Variants in GPC5 observed in about 807,000 individuals in gnomAD.
The protein encoded by GPC5 is glypican 5.
A neutral mutation model predicts 53.9 loss-of-function variants in GPC5; 47 were observed. The observed-to-expected ratio is 0.87, with a 90% confidence interval of 0.69 to 1.11. GPC5 has a LOEUF of 1.11. Among genes scored for constraint, GPC5 ranks in the 50% most tolerant of loss-of-function variants. The probability of loss-of-function intolerance (pLI) is 0.00; values close to 1 mark genes in which losing one functional copy is unlikely to be tolerated. For missense variants in GPC5, 748 were observed against 713.1 expected (o/e 1.05, Z -0.56); for synonymous variants, 286 against 263.3 (o/e 1.09, Z -0.84).
chr13:92,402,079 G>T (rs182678738), intron 7 of GPC5, among the ~76,000 whole-genome samples: 183 of 152,182 alleles, frequency 1.2e-3, no homozygotes, highest in African/African-American at 3.9e-3. Context: ...CCGGAAAAAG[G>T]AATTACACCC....
At chr13:91,543,140 G>A (rs540503114) in intron 2 of GPC5, among the ~76,000 whole-genome samples, 2 of 152,022 alleles carry the variant, frequency 1.3e-5, no homozygotes, top group Non-Finnish European at 2.9e-5. Context: ...ACAGGCGTGA[G>A]CCACCGAGCC....
At chr13:91,681,193 TG>T (rs2035500664) in intron 2 of GPC5, among the ~76,000 whole-genome samples, 1 of 152,100 alleles carries the variant, frequency 6.6e-6, no homozygotes, top group African/African-American at 2.4e-5. Flanking sequence ...ATTGTAAAAG[TG>T]GTGCTATATT....
chr13:92,032,643 T>C (rs2040861672), intron 6 of GPC5, among the ~76,000 whole-genome samples: 1 of 152,158 alleles, frequency 6.6e-6, no homozygotes, highest in Non-Finnish European at 1.5e-5. Context: ...TCTTACTATG[T>C]ATCTAAGGCA....
chr13:92,067,391 T>A (rs1224568451), intron 6 of GPC5, among the ~76,000 whole-genome samples: 6 of 152,074 alleles, frequency 3.9e-5, no homozygotes, highest in African/African-American at 1.4e-4. Context: ...TTAATTCTGG[T>A]ATGCGTGCAA....
chr13:92,679,761 T>A (rs1439216503), intron 7 of GPC5, among the ~76,000 whole-genome samples: 1 of 152,150 alleles, frequency 6.6e-6, no homozygotes, highest in Non-Finnish European at 1.5e-5. Flanking sequence ...ATGGATCTCT[T>A]GGCCATTGGA....
intron 5 of GPC5, among the ~76,000 whole-genome samples, chr13:91,836,667 A>T (rs1424588394): frequency 6.6e-6 from 1 of 151,970 alleles, no homozygotes; most frequent in African/African-American, 2.4e-5. Context: ...ATACATTTTG[A>T]GGTTCATTTT....
intron 1 of GPC5, among the ~76,000 whole-genome samples, chr13:91,444,127 C>T (rs1880624007): frequency 1.3e-5 from 2 of 151,804 alleles, no homozygotes; most frequent in Non-Finnish European, 2.9e-5. Flanking sequence ...TTTTATTTTT[C>T]ATTTTCTGTT....
At chr13:91,664,616 A>G (rs1385150064) in intron 2 of GPC5, among the ~76,000 whole-genome samples, 1 of 152,242 alleles carries the variant, frequency 6.6e-6, no homozygotes, top group South Asian at 2.1e-4. Flanking sequence ...CTGTATATAC[A>G]TGGCCTGCAT....
chr13:91,798,138 A>T (rs1337932235), intron 5 of GPC5, among the ~76,000 whole-genome samples: 4 of 152,150 alleles, frequency 2.6e-5, no homozygotes, highest in African/African-American at 9.7e-5. Flanking sequence ...TTAACATTTT[A>T]CTTTACATAT....
intron 7 of GPC5, among the ~76,000 whole-genome samples, chr13:92,405,802 C>T (rs528436196): frequency 1.3e-5 from 2 of 152,230 alleles, no homozygotes; most frequent in African/African-American, 4.8e-5. Flanking sequence ...TCTATATTTA[C>T]ACGTCCTCTG....
chr13:92,083,068 T>C (rs2041309101), intron 6 of GPC5, among the ~76,000 whole-genome samples: 3 of 152,216 alleles, frequency 2.0e-5, no homozygotes, highest in Admixed American at 2.0e-4. Context: ...ATGCTTAAAA[T>C]ACTTAAGCTA....
rs536954554 is a variant in GPC5 at position 91,693,824 on chromosome 13, G to T, written c.963G>T (p.Leu321Phe). Residue 321 changes from leucine to phenylalanine, a missense_variant, in exon 3 of 8, where the codon TTG becomes TTT. Coordinates refer to ENST00000377067, the MANE Select transcript of GPC5 (RefSeq NM_004466.6). The stretch of plus-strand genomic sequence containing the variant: ...GACACGTGCTGCTGAACTTTCACTT[G>T]CTTGTTAATGATGCTGTGTTACAGG... ...DIGHVLLNFH[L>F]LVNDAVLQAH... The T allele has an allele frequency of 2.5e-6, 4 of 1,612,312 alleles. No individual in the cohort carries two copies. The highest frequency in any genetic ancestry group is 3.3e-5 in the Admixed American group (2 of 60,002).
intron 7 of GPC5, among the ~76,000 whole-genome samples, chr13:92,752,454 T>C (rs1246309796): frequency 1.3e-5 from 2 of 151,438 alleles, no homozygotes; most frequent in Non-Finnish European, 2.9e-5. Context: ...TAAAAAAGAG[T>C]GCTAAGAATA....
intron 6 of GPC5, among the ~76,000 whole-genome samples, chr13:92,006,451 A>G (rs906207891): frequency 6.6e-6 from 1 of 152,180 alleles, no homozygotes. Flanking sequence ...GTGTTTTAAA[A>G]AAGTAAATAA....
chr13:92,849,962 G>A (rs1878737061), intron 7 of GPC5, among the ~76,000 whole-genome samples: 1 of 152,116 alleles, frequency 6.6e-6, no homozygotes, highest in Admixed American at 6.6e-5. Context: ...CAAACTGATT[G>A]CCAACCCTGC....
intron 1 of GPC5, among the ~76,000 whole-genome samples, chr13:91,439,991 TTACATCCTGAGA>T (rs1299840018): frequency 1.3e-5 from 2 of 152,208 alleles, no homozygotes; most frequent in Non-Finnish European, 2.9e-5. Context: ...TCCCCTTTGT[TTACATCCTGAGA>T]TTCTTGCCTT....
intron 2 of GPC5, among the ~76,000 whole-genome samples, chr13:91,637,329 C>T (rs972887748): frequency 6.6e-6 from 1 of 152,106 alleles, no homozygotes; most frequent in Non-Finnish European, 1.5e-5. Context: ...TATCTCTTCC[C>T]CTAAAAGAGT....
At chr13:92,174,548 AAAC>A (rs1283319782) in intron 7 of GPC5, among the ~76,000 whole-genome samples, 122 of 141,470 alleles carry the variant, frequency 8.6e-4, no homozygotes, top group African/African-American at 3.2e-3. Flanking sequence ...GAAAAAAAAA[AAAC>A]AAAAACAACA....
At chr13:92,637,522 T>G (rs1456482299) in intron 7 of GPC5, among the ~76,000 whole-genome samples, 1 of 152,134 alleles carries the variant, frequency 6.6e-6, no homozygotes, top group African/African-American at 2.4e-5. Flanking sequence ...CTTGAATCAG[T>G]TAGAATACTC....
Sources: gnomAD v4.1 joint callset for allele counts (sites outside exome capture counted in the v4.1 genomes callset) on GRCh38, gnomAD v4.1.1 for gene constraint, MANE v1.5 for transcripts, NCBI Gene and HGNC (gene_info 2026-07-23, HGNC 2026-07-21) for gene names.